The following CFAP20DC variants were observed in gnomAD, a reference collection of about 807,000 sequenced individuals.
CFAP20DC encodes protein CFAP20DC.
Under a neutral mutation model 101.7 loss-of-function variants are expected in CFAP20DC, and 84 were observed. The observed-to-expected ratio is 0.83, with a 90% CI of 0.69 to 0.99. The LOEUF (loss-of-function observed/expected upper bound fraction) is 0.99, where lower values mean the gene tolerates loss of function less well. Ranked by LOEUF, CFAP20DC falls within the 50% of genes least tolerant of loss-of-function variation. The pLI is 0.00. For missense variants in CFAP20DC, 1,007 were observed against 970.3 expected, an observed-to-expected ratio of 1.04 and a Z score of -0.50; for synonymous variants, 359 against 351.2, an observed-to-expected ratio of 1.02 and a Z score of -0.25.
At chr3:58,858,715 C>T (rs2079026151) in intron 12 of CFAP20DC, among the ~76,000 whole-genome samples, 1 of 152,128 alleles carries the variant, frequency 6.6e-6, no homozygotes, top group South Asian at 2.1e-4. Flanking sequence ...ATTCAAAATA[C>T]ACTTTTGATG....
intron 4 of CFAP20DC, among the ~76,000 whole-genome samples, chr3:58,949,339 T>C (rs2089788562): frequency 6.6e-6 from 1 of 152,186 alleles, no homozygotes; most frequent in South Asian, 2.1e-4. Context: ...TTGAATGTGT[T>C]TGCTCTTGCT....
At position 58,806,399 on chromosome 3, in the gene CFAP20DC, G is replaced by T; in HGVS notation, c.2233C>A (p.Pro745Thr). 1.3e-6 allele frequency: 2 copies of T among 1,592,194 alleles called. No homozygotes were observed. Among genetic ancestry groups the T allele is most frequent in the African/African-American group, 1.3e-5 (1 of 74,556 alleles). The change falls in exon 15 of 17, where the codon CCC becomes ACC. Residue 745 changes from proline to threonine, a missense_variant. Pro to Thr is a conservative substitution (Grantham distance 38). Transcript: ENST00000482387. ...KEMNPPSPSN[P>T]RDWLNMLSPP... ...TAGATTATTAATGATTCTTACCGGG[G>T]ATTAGAAGGAGAAGGTGGGTTCATT...
chr3:58,939,159 C>G (rs542233414), intron 4 of CFAP20DC, among the ~76,000 whole-genome samples: 2 of 152,238 alleles, frequency 1.3e-5, no homozygotes, highest in Non-Finnish European at 2.9e-5. Context: ...TCTCATTATA[C>G]AGTAGTATAG....
At chr3:58,958,159 T>A (rs1447997474) in intron 4 of CFAP20DC, among the ~76,000 whole-genome samples, 4 of 152,060 alleles carry the variant, frequency 2.6e-5, no homozygotes, top group Non-Finnish European at 4.4e-5. Context: ...AAATTATTTT[T>A]AAAAAATCCC....
intron 7 of CFAP20DC, among the ~76,000 whole-genome samples, chr3:58,873,614 G>A (rs900904605): frequency 6.6e-6 from 1 of 150,920 alleles, no homozygotes; most frequent in Non-Finnish European, 1.5e-5. Context: ...TCAAGCAGAA[G>A]TCTGGATAGC....
chr3:58,933,047 C>G (rs1241654437), intron 5 of CFAP20DC, among the ~76,000 whole-genome samples: 4 of 152,072 alleles, frequency 2.6e-5, no homozygotes, highest in East Asian at 1.9e-4. Context: ...CAGAGACACA[C>G]ATAGGCTCAA....
intron 13 of CFAP20DC, 87 bp downstream of exon 13, chr3:58,848,943 AAG>A (rs2077975500): frequency 7.1e-7 from 1 of 1,410,696 alleles, no homozygotes; most frequent in African/African-American, 1.4e-5. Flanking sequence ...AATGATGAAA[AAG>A]AGATACTGCT....
intron 14 of CFAP20DC, among the ~76,000 whole-genome samples, chr3:58,820,825 C>T (rs1322228154): frequency 8.8e-5 from 13 of 148,536 alleles, no homozygotes; most frequent in Non-Finnish European, 1.0e-4. Flanking sequence ...AAAAAGAGCC[C>T]GCATCGCCAA....
At chr3:58,838,397 C>A (rs557215316) in intron 13 of CFAP20DC, among the ~76,000 whole-genome samples, 1 of 152,222 alleles carries the variant, frequency 6.6e-6, no homozygotes, top group East Asian at 1.9e-4. Context: ...TAGCATGCGA[C>A]CCTGAAGACA....
intron 5 of CFAP20DC, among the ~76,000 whole-genome samples, chr3:58,934,293 G>A (rs1210034384): frequency 6.6e-6 from 1 of 151,992 alleles, no homozygotes; most frequent in Non-Finnish European, 1.5e-5. Context: ...GCTTACTAAC[G>A]AAAAAGAGTC....
At chr3:58,933,798 T>C (rs1310971924) in intron 5 of CFAP20DC, among the ~76,000 whole-genome samples, 2 of 151,890 alleles carry the variant, frequency 1.3e-5, no homozygotes, top group African/African-American at 2.4e-5. Flanking sequence ...TTTATAGCAC[T>C]AAATGCCCAA....
rs1196495304 is a variant in CFAP20DC at position 58,732,666 on chromosome 3, TG to T, written c.198-15039del. On this transcript the variant is annotated intron_variant, in intron 3 of 3. Transcript: ENST00000486145. This position sits in a 1 kb window ranked among gnomAD's most constrained non-coding sequence, Gnocchi z 5.4. Reference sequence around the variant, plus strand: ...GGAGAAAAACTGCTTCTCACTCTAATGGGTTTATAACACCCAACGTGGCACG... The same window carrying T: ...GGAGAAAAACTGCTTCTCACTCTAATGGTTTATAACACCCAACGTGGCACG... Among the ~76,000 whole-genome samples, 1 of 152,222 alleles carries T rather than the reference TG, an allele frequency of 6.6e-6. No homozygotes were observed.
chr3:58,776,021 C>A (rs958474306), intron 15 of CFAP20DC, among the ~76,000 whole-genome samples: 4 of 152,006 alleles, frequency 2.6e-5, no homozygotes, highest in Admixed American at 6.6e-5. Flanking sequence ...GGATTACAGG[C>A]GTGAGCCACT....
intron 14 of CFAP20DC, among the ~76,000 whole-genome samples, chr3:58,810,102 A>G (rs1445531771): frequency 6.6e-6 from 1 of 152,216 alleles, no homozygotes; most frequent in Non-Finnish European, 1.5e-5. Context: ...AGATGGACTC[A>G]CAGCCGAATT....
At chr3:58,867,702 A>G (rs1389230519) in intron 10 of CFAP20DC, 115 bp downstream of exon 10, 1 of 1,268,900 alleles carries the variant, frequency 7.9e-7, no homozygotes, top group African/African-American at 1.5e-5. Flanking sequence ...TAGAACAGAC[A>G]TTTATATTTT....
intron 15 of CFAP20DC, among the ~76,000 whole-genome samples, chr3:58,761,146 C>T (rs978680348): frequency 1.3e-5 from 2 of 152,206 alleles, no homozygotes; most frequent in African/African-American, 4.8e-5. Context: ...TACAATTCAG[C>T]TGTGAATCCA....
At chr3:58,806,992 G>A (rs756251406) in intron 14 of CFAP20DC, among the ~76,000 whole-genome samples, 1 of 152,158 alleles carries the variant, frequency 6.6e-6, no homozygotes, top group Non-Finnish European at 1.5e-5. Context: ...AGATCAAACT[G>A]CAAGGCGGCA....
chr3:59,001,262 T>C lies in CFAP20DC; in HGVS notation c.278+38295A>G, dbSNP rs1055346992. Among the ~76,000 whole-genome samples, 2 of 152,114 alleles carry C rather than the reference T, an allele frequency of 1.3e-5. No individual in the cohort carries two copies. Among genetic ancestry groups the C allele is most frequent in the East Asian group, 3.9e-4 (2 of 5,184 alleles). ...CCTTGAAGATTCTTTGATACTACTA[T>C]AAAAATACAAGGCCTGATAGACTGC... On this transcript the variant is annotated intron_variant, in intron 4 of 16. Transcript: ENST00000482387. This position sits in a 1 kb window ranked among gnomAD's most constrained non-coding sequence, Gnocchi z 4.5.
At chr3:58,942,922 A>C (rs1315974627) in intron 4 of CFAP20DC, among the ~76,000 whole-genome samples, 1 of 152,212 alleles carries the variant, frequency 6.6e-6, no homozygotes, top group African/African-American at 2.4e-5. Context: ...GGCTCAAGTA[A>C]GCAGTCTTCC....
Sources: gnomAD v4.1 joint callset for allele counts (sites outside exome capture counted in the v4.1 genomes callset) on GRCh38, gnomAD v4.1.1 for gene constraint, Gnocchi (gnomAD v3.1) non-coding constraint, MANE v1.5 for transcripts, NCBI Gene and HGNC (gene_info 2026-07-23, HGNC 2026-07-21) for gene names.